RBFOX3: variants seen among roughly 807,000 people sequenced by gnomAD.
RBFOX3 encodes the protein RNA binding protein fox-1 homolog 3.
RBFOX3 carries 17 observed loss-of-function variants against 48.7 expected under a neutral mutation model. The observed-to-expected ratio is 0.35, with a 90% CI of 0.24 to 0.52. The LOEUF (loss-of-function observed/expected upper bound fraction) is 0.52, where lower values mean the gene tolerates loss of function less well. RBFOX3 is among the 20% of genes least tolerant of loss of function. The pLI is 0.94. For synonymous variants in RBFOX3, 212 were observed against 209.5 expected, an observed-to-expected ratio of 1.01 and a Z score of -0.10; for missense variants, 382 against 497.5, an observed-to-expected ratio of 0.77 and a Z score of 2.21.
intron 2 of RBFOX3, among the ~76,000 whole-genome samples, chr17:79,470,615 T>G (rs1598839016): frequency 6.6e-6 from 1 of 152,270 alleles, no homozygotes; most frequent in Non-Finnish European, 1.5e-5. Flanking sequence ...CCCAAGGGTG[T>G]GCAGAGGTGA....
chr17:79,274,725 C>T (rs1231517922), intron 3 of RBFOX3, among the ~76,000 whole-genome samples: 4 of 152,070 alleles, frequency 2.6e-5, no homozygotes, highest in East Asian at 1.9e-4. Context: ...CTACTGGCCC[C>T]CAGACTTTTC....
chr17:79,408,625 G>A (rs2063868008), intron 2 of RBFOX3, among the ~76,000 whole-genome samples: 3 of 152,202 alleles, frequency 2.0e-5, no homozygotes. Context: ...AGGTCCCTAG[G>A]AGACCCTGTT....
At chr17:79,284,701 G>A (rs898140463) in intron 3 of RBFOX3, among the ~76,000 whole-genome samples, 3 of 152,078 alleles carry the variant, frequency 2.0e-5, no homozygotes, top group African/African-American at 7.2e-5. Context: ...CACCACGTCC[G>A]GGTAATTTTT....
intron 2 of RBFOX3, among the ~76,000 whole-genome samples, chr17:79,441,022 G>A (rs1169355961): frequency 1.3e-5 from 2 of 152,250 alleles, no homozygotes; most frequent in African/African-American, 4.8e-5. Flanking sequence ...GGGCAGCTTT[G>A]CAGGCAGGTC....
At chr17:79,270,228 T>C (rs1367846929) in intron 3 of RBFOX3, among the ~76,000 whole-genome samples, 4 of 152,198 alleles carry the variant, frequency 2.6e-5, no homozygotes, top group Non-Finnish European at 5.9e-5. Context: ...GCCCCCGCCA[T>C]GGTTTTGAGA....
At chr17:79,179,435 T>G (rs1236291735) in intron 4 of RBFOX3, among the ~76,000 whole-genome samples, 1 of 152,148 alleles carries the variant, frequency 6.6e-6, no homozygotes, top group Non-Finnish European at 1.5e-5. Context: ...GATTTCACCT[T>G]GATTGAGCAC....
rs116089335 is a variant in RBFOX3 at position 79,356,137 on chromosome 17, T to C, written c.-174-48313A>G. On this transcript the variant is annotated intron_variant, in intron 2 of 14. Transcript: ENST00000693108. The stretch of plus-strand genomic sequence containing the variant: ...TCAAGTGTTCTTGGCTCTTGACTTT[T>C]GGCAAGAACTTGAGCTGACGTCGGT... Among the ~76,000 whole-genome samples, 375 of 152,242 alleles carry C rather than the reference T, an allele frequency of 2.5e-3. 1 individual carries two copies. Among genetic ancestry groups the C allele is most frequent in the African/African-American group, 8.6e-3 (356 of 41,544 alleles).
rs2092433829 is a variant in RBFOX3 at position 79,481,215 on chromosome 17, T to C, written c.-175+1239A>G. Among the ~76,000 whole-genome samples the C allele has an allele frequency of 6.6e-6, 1 of 152,194 alleles. No homozygotes were observed. The highest frequency in any genetic ancestry group is 2.1e-4 in the South Asian group (1 of 4,830). On this transcript the variant is annotated intron_variant, in intron 2 of 14. Transcript: ENST00000693108. The surrounding 1 kb of genome is among the most constrained non-coding windows in gnomAD (Gnocchi z 5.4). ...CCTCTGGTCTCTTTGTCCAGGGTTC[T>C]CGTCGGCATCATCTGCTCAGCCTAC...
At chr17:79,115,016 C>T (rs2146978096) in intron 5 of RBFOX3, among the ~76,000 whole-genome samples, 1 of 152,332 alleles carries the variant, frequency 6.6e-6, no homozygotes, top group South Asian at 2.1e-4. Context: ...AGGTAGATTA[C>T]AAGTGATTAG....
intron 14 of RBFOX3, among the ~76,000 whole-genome samples, chr17:79,093,739 T>C (rs1009651793): frequency 6.6e-6 from 1 of 150,702 alleles, no homozygotes; most frequent in Non-Finnish European, 1.5e-5. Flanking sequence ...AGGTGTCTGC[T>C]GGAAGCAGCT....
At chr17:79,587,777 A>C (rs1189445231) in intron 1 of RBFOX3, among the ~76,000 whole-genome samples, 1 of 152,188 alleles carries the variant, frequency 6.6e-6, no homozygotes, top group African/African-American at 2.4e-5. Context: ...AGGCTGTGGG[A>C]GAATAGATGA....
chr17:79,615,771 C>T (rs1472889196), upstream of RBFOX3, among the ~76,000 whole-genome samples: 1 of 152,186 alleles, frequency 6.6e-6, no homozygotes, highest in African/African-American at 2.4e-5. Flanking sequence ...ACAGAAAACA[C>T]ACATCAGCCC....
At chr17:79,440,005 GCGTCC>G (rs1440529309) in intron 2 of RBFOX3, among the ~76,000 whole-genome samples, 2 of 152,208 alleles carry the variant, frequency 1.3e-5, no homozygotes, top group Non-Finnish European at 2.9e-5. Flanking sequence ...GGGGAGGGGA[GCGTCC>G]CTGTCAGACT....
the RBFOX3 span, among the ~76,000 whole-genome samples, chr17:79,635,523 C>T: frequency 1.3e-3 from 191 of 152,232 alleles, no homozygotes; most frequent in South Asian, 5.0e-3. Flanking sequence ...TAATATTACA[C>T]ATCATTTTAA....
At chr17:79,271,496 C>T (rs890423460) in intron 3 of RBFOX3, among the ~76,000 whole-genome samples, 14 of 152,212 alleles carry the variant, frequency 9.2e-5, no homozygotes, top group African/African-American at 1.7e-4. Context: ...CCGCTCTTTG[C>T]GCTGTCCTTC....
chr17:79,353,883 G>A (rs566005214), intron 2 of RBFOX3, among the ~76,000 whole-genome samples: 8 of 152,280 alleles, frequency 5.3e-5, no homozygotes, highest in East Asian at 3.9e-4. Flanking sequence ...AGTGGGGGCC[G>A]CTCCCTGAGG....
Position 79,251,731 on chromosome 17 carries a change from G to A in RBFOX3, c.-73-15926C>T, listed in dbSNP as rs117688178. Among the ~76,000 whole-genome samples, 215 of 152,212 alleles carry A rather than the reference G, an allele frequency of 1.4e-3. 5 individuals carry two copies. The East Asian group carries it at 0.035, about 25-fold the overall frequency. On this transcript the variant is annotated intron_variant, in intron 3 of 14. Transcript: ENST00000693108. ...ACGAGTCGGCTGCATGGCAGGTTCC[G>A]CCCCATTGTACACTTCACAGCTGCC...
chr17:79,317,319 A>G lies in RBFOX3; in HGVS notation c.-174-9495T>C, dbSNP rs545831702. Among the ~76,000 whole-genome samples, 12 of 152,374 alleles carry G rather than the reference A, an allele frequency of 7.9e-5. 1 individual carries two copies. In the South Asian group the frequency reaches 2.5e-3, roughly 32 times the overall value. On this transcript the variant is annotated intron_variant, in intron 2 of 14. Coordinates refer to ENST00000693108, the MANE Select transcript of RBFOX3 (RefSeq NM_001350451.2). ...TTTCTTTTCAAACAGAACGGCCATAAGGAAGTTGCTATTGATTCTGCAGTC... is the reference window on the plus strand; with the variant it reads ...TTTCTTTTCAAACAGAACGGCCATAGGGAAGTTGCTATTGATTCTGCAGTC...
chr17:79,100,686 G>A (rs896084217), intron 9 of RBFOX3, among the ~76,000 whole-genome samples: 1 of 152,224 alleles, frequency 6.6e-6, no homozygotes, highest in Non-Finnish European at 1.5e-5. Context: ...GGCTTCTAAG[G>A]GGTCCGAGTG....
Sources: allele counts gnomAD v4.1 joint callset (sites outside exome capture counted in the v4.1 genomes callset), GRCh38; gene constraint gnomAD v4.1.1; non-coding constraint Gnocchi (gnomAD v3.1); transcripts MANE v1.5; gene names NCBI Gene and HGNC (gene_info 2026-07-23, HGNC 2026-07-21).